Variants in BCL2L14 observed in about 807,000 individuals in gnomAD.
BCL2L14 encodes the protein apoptosis facilitator Bcl-2-like protein 14.
A neutral mutation model predicts 35.3 loss-of-function variants in BCL2L14; 27 were observed. That is an observed-to-expected ratio of 0.76 (90% CI 0.56 to 1.05). The LOEUF is 1.05. BCL2L14 is among the 50% of genes least tolerant of loss of function. The pLI is 0.00. For synonymous variants in BCL2L14, 139 were observed against 145.9 expected, an observed-to-expected ratio of 0.95 and a Z score of 0.34; for missense variants, 377 against 382.6, an observed-to-expected ratio of 0.99 and a Z score of 0.12.
At chr12:12,061,716 C>T (rs2430601) in intron 2 of BCL2L14, among the ~76,000 whole-genome samples, 117,655 of 151,942 alleles carry the variant, frequency 0.77, 45,739 homozygotes, top group East Asian at 1. Flanking sequence ...TGACACCCAT[C>T]AGGCTCAGCA....
At chr12:12,068,907 A>G (rs1476569794), upstream of BCL2L14, among the ~76,000 whole-genome samples, 1 of 152,194 alleles carries the variant, frequency 6.6e-6, no homozygotes, top group South Asian at 2.1e-4. Context: ...ATCATATGCT[A>G]AACAAAAAGT....
chr12:12,087,323 G>A lies in BCL2L14; in HGVS notation c.544G>A (p.Val182Ile). The change falls in exon 3 of 6, where the codon GTA (valine) becomes ATA (isoleucine). Residue 182 changes from valine (V) to isoleucine (I), a missense_variant. By Grantham distance (29) the Val-to-Ile change is conservative. Transcript: ENST00000308721. ...AGGFKSKEIF[V>I]TEGLSFQLQG... ...AGGCTTCAAGTCCAAAGAGATTTTT[G>A]TAACTGAGGGTCTCTCCTTCCAGCT... 1.2e-6 allele frequency: 2 copies of A among 1,614,220 alleles called. No homozygotes were observed. The highest frequency in any genetic ancestry group is 1.7e-6 in the Non-Finnish European group (2 of 1,180,038).
chr12:12,068,549 T>C (rs2136724546), upstream of BCL2L14, among the ~76,000 whole-genome samples: 1 of 152,212 alleles, frequency 6.6e-6, no homozygotes, highest in South Asian at 2.1e-4. Context: ...ACTACAGGCA[T>C]GTGCCACCAT....
intron 2 of BCL2L14, among the ~76,000 whole-genome samples, chr12:12,059,172 C>T (rs548679030): frequency 5.3e-5 from 8 of 152,218 alleles, no homozygotes; most frequent in African/African-American, 1.9e-4. Context: ...GATTATTCCC[C>T]CACGTTTCAG....
intron 2 of BCL2L14, among the ~76,000 whole-genome samples, chr12:12,081,961 A>C (rs187887757): frequency 1.5e-3 from 224 of 152,310 alleles, no homozygotes; most frequent in Non-Finnish European, 2.6e-3. Flanking sequence ...TCAGTTTTTA[A>C]ATGTGACAGT....
At chr12:12,098,491 A>G (rs1163584453) in intron 5 of BCL2L14, among the ~76,000 whole-genome samples, 2 of 152,178 alleles carry the variant, frequency 1.3e-5, no homozygotes, top group Non-Finnish European at 1.5e-5. Flanking sequence ...ATGAATGAAT[A>G]GCAACTCTAT....
chr12:12,068,664 A>AAC (rs1948622392), upstream of BCL2L14, among the ~76,000 whole-genome samples: 3 of 149,232 alleles, frequency 2.0e-5, no homozygotes, highest in Admixed American at 2.0e-4. Flanking sequence ...TGGCTAATTA[A>AAC]AAAAAAAAAA....
At chr12:12,073,939 T>C (rs1184222243) in intron 1 of BCL2L14, among the ~76,000 whole-genome samples, 1 of 152,148 alleles carries the variant, frequency 6.6e-6, no homozygotes, top group African/African-American at 2.4e-5. Flanking sequence ...TTTGCCTGCT[T>C]GCACGCACCT....
At chr12:12,079,147 A>G (rs1329124989) in intron 1 of BCL2L14, 152 bp from the exon 2 acceptor site, 2 of 656,132 alleles carry the variant, frequency 3.0e-6, no homozygotes, top group Non-Finnish European at 5.2e-6. Flanking sequence ...TTCCCACCCT[A>G]GTAAGACTGT....
intron 5 of BCL2L14, chr12:12,095,625 G>A (rs1565491787): frequency 1.0e-6 from 1 of 985,258 alleles, no homozygotes; most frequent in Admixed American, 6.1e-5. Context: ...AACAGGCCTA[G>A]GCATTCCTAG....
At chr12:12,078,215 A>C (rs1330505119) in intron 1 of BCL2L14, 1 of 176,654 alleles carries the variant, frequency 5.7e-6, no homozygotes, top group Non-Finnish European at 1.2e-5. Flanking sequence ...CTTTTTTCAG[A>C]TGAAATCTTA....
intron 1 of BCL2L14, among the ~76,000 whole-genome samples, chr12:12,051,619 T>C (rs1156961705): frequency 6.6e-6 from 1 of 152,196 alleles, no homozygotes; most frequent in Non-Finnish European, 1.5e-5. Flanking sequence ...GAATCGAATC[T>C]TTCCATGAGA....
At chr12:12,087,431 C>G (rs775618388) in intron 3 of BCL2L14, 45 bp downstream of exon 3, 13 of 1,595,114 alleles carry the variant, frequency 8.1e-6, no homozygotes, top group Admixed American at 5.1e-5. Context: ...GGCAGGGGCG[C>G]AGGAGCATTT....
At position 12,079,739 on chromosome 12, in the gene BCL2L14, G is replaced by T. The variant is rs1243741470; in HGVS notation, c.433+1G>T. 2.5e-6 allele frequency: 4 copies of T among 1,608,542 alleles called. No homozygotes were observed. Among genetic ancestry groups the T allele is most frequent in the Non-Finnish European group, 3.4e-6 (4 of 1,176,980 alleles). Reference sequence around the variant, plus strand: ...GTGGAGCAGTGCTTGGAGCATGAAGGTAGGCATCTGGGATTTCTTTCTCTC... The same window carrying T: ...GTGGAGCAGTGCTTGGAGCATGAAGTTAGGCATCTGGGATTTCTTTCTCTC... On this transcript the variant is annotated splice_donor_variant, in intron 2 of 5. Coordinates refer to ENST00000308721, the MANE Select transcript of BCL2L14 (RefSeq NM_138723.2). LOFTEE classifies it high-confidence loss of function.
chr12:12,054,947 CAAA>C (rs33941702), intron 2 of BCL2L14: 2 of 135,712 alleles, frequency 1.5e-5, no homozygotes, highest in African/African-American at 2.7e-5. Flanking sequence ...GACTCCATCT[CAAA>C]AAAAAAAAAA....
At chr12:12,091,853 T>C (rs1235197553) in intron 4 of BCL2L14, among the ~76,000 whole-genome samples, 1 of 152,154 alleles carries the variant, frequency 6.6e-6, no homozygotes, top group Admixed American at 6.5e-5. Flanking sequence ...ACCCCTGCAT[T>C]TCTCCAGAGC....
chr12:12,061,091 A>G (rs1165314335), intron 2 of BCL2L14, among the ~76,000 whole-genome samples: 6 of 107,966 alleles, frequency 5.6e-5, no homozygotes, highest in Admixed American at 5.1e-4. Flanking sequence ...AACTTAGACA[A>G]TACTCTTTTA....
At position 12,098,880 on chromosome 12, in the gene BCL2L14, A is replaced by C. The variant is rs1949371771; in HGVS notation, c.946-70A>C. The C allele has an allele frequency of 1.3e-5, 14 of 1,113,368 alleles. No homozygotes were observed. The East Asian group carries it at 3.3e-4, about 26-fold the overall frequency. The allele number at this position is 1,113,368 out of a possible 1,614,324, so 69.0% of individuals were successfully genotyped here. On this transcript the variant is annotated intron_variant, in intron 5 of 5. Transcript: ENST00000308721. ...GTCACGCCTGGGATAGAGCAGAGTTAGCAGCCATATGTTTTCACTTCAACA... is the reference window on the plus strand; with the variant it reads ...GTCACGCCTGGGATAGAGCAGAGTTCGCAGCCATATGTTTTCACTTCAACA...
chr12:12,059,271 C>T lies in BCL2L14; in HGVS notation c.-272+7424C>T, dbSNP rs558688433. ...TCTGGGGGAGGGGCAAGTACCCCAA[C>T]CCCTTCTCTCCGTGTCTCTACCCCT... On this transcript the variant is annotated intron_variant, in intron 2 of 3. Transcript: ENST00000461264. Among the ~76,000 whole-genome samples, 6 of 151,846 alleles carry T rather than the reference C, an allele frequency of 4.0e-5. No individual in the cohort carries two copies. In the East Asian group the frequency reaches 5.8e-4, roughly 15 times the overall value.
Sources: gnomAD v4.1 joint callset for allele counts (sites outside exome capture counted in the v4.1 genomes callset) on GRCh38, gnomAD v4.1.1 for gene constraint, MANE v1.5 for transcripts, NCBI Gene and HGNC (gene_info 2026-07-23, HGNC 2026-07-21) for gene names.